The following WNT10A variants were observed in gnomAD, a reference collection of about 807,000 sequenced individuals.
The protein encoded by WNT10A is Wnt family member 10A.
A neutral mutation model predicts 36.1 loss-of-function variants in WNT10A; 37 were observed. That is an observed-to-expected ratio of 1.02 (90% CI 0.79 to 1.35). The LOEUF is 1.35. WNT10A is among the 40% of genes most tolerant of loss of function. WNT10A has a pLI of 0.00. For synonymous variants in WNT10A, 255 were observed against 254.1 expected (o/e 1.00, Z -0.03); for missense variants, 613 against 601.4 (o/e 1.02, Z -0.20).
intron 2 of WNT10A, 40 bp from the exon 3 acceptor site, chr2:218,889,944 G>T: frequency 6.2e-7 from 1 of 1,611,012 alleles, no homozygotes; most frequent in Middle Eastern, 2.2e-4. Flanking sequence ...GGGTGTCAAG[G>T]CCCCTCCAGA....
intron 3 of WNT10A, 142 bp downstream of exon 3, chr2:218,890,505 C>T: frequency 8.1e-7 from 1 of 1,233,840 alleles, no homozygotes; most frequent in South Asian, 1.3e-5. Context: ...TCTAATTCAA[C>T]AAACATGCAC....
chr2:218,886,208 C>T (rs768627324), intron 2 of WNT10A, among the ~76,000 whole-genome samples: 5 of 152,058 alleles, frequency 3.3e-5, no homozygotes, highest in Admixed American at 6.5e-5. Context: ...GATATGCATA[C>T]GTGCACGCAC....
chr2:218,875,928 G>C (rs1384968220), upstream of WNT10A, among the ~76,000 whole-genome samples: 1 of 152,206 alleles, frequency 6.6e-6, no homozygotes, highest in Non-Finnish European at 1.5e-5. Flanking sequence ...TTTTATACCA[G>C]GGAAGTCCAG....
In WNT10A at chr2:218,882,190, G is replaced by C; in HGVS notation, c.143G>C (p.Arg48Pro). The change falls in exon 2 of 4, where the codon CGC becomes CCC. Residue 48 changes from arginine (R) to proline (P), a missense_variant. Arg to Pro is a moderately radical substitution (Grantham distance 103). Transcript: ENST00000258411. Reference protein sequence around the residue: ...RSAPNDILDLRLPPEPVLNAN... With the variant: ...RSAPNDILDLPLPPEPVLNAN... ...GCACCCAATGACATTCTGGACCTCC[G>C]CCTCCCCCCGGAGCCCGTGCTCAAT... 1 of 1,614,036 alleles carries C rather than the reference G, an allele frequency of 6.2e-7. No individual in the cohort carries two copies. Among genetic ancestry groups the C allele is most frequent in the Non-Finnish European group, 8.5e-7 (1 of 1,179,986 alleles).
chr2:218,879,707 T>C (rs1415423009), upstream of WNT10A, among the ~76,000 whole-genome samples: 1 of 152,078 alleles, frequency 6.6e-6, no homozygotes, highest in African/African-American at 2.4e-5. Context: ...CAACACTCAG[T>C]GTTGGGGAGG....
chr2:218,893,196 C>T lies in WNT10A; in HGVS notation c.1179C>T (p.His393=). The T allele has an allele frequency of 6.3e-7, 1 of 1,578,280 alleles. No homozygotes were observed. Among genetic ancestry groups the T allele is most frequent in the Non-Finnish European group, 8.6e-7 (1 of 1,168,788 alleles). Residue 393 remains histidine (H), a synonymous_variant, in exon 4 of 4, where the codon CAC becomes CAT. Transcript: ENST00000258411. This position sits in a 1 kb window ranked among gnomAD's most constrained non-coding sequence, Gnocchi z 6.3. ...GCCAGACGCGCAGCGAGCGCTGCCA[C>T]TGCCGCTTCCACTGGTGCTGTTTCG... ...ILRQTRSERC[H]CRFHWCCFVV...
chr2:218,879,437 G>A (rs1944484259), upstream of WNT10A, among the ~76,000 whole-genome samples: 1 of 152,246 alleles, frequency 6.6e-6, no homozygotes, highest in Admixed American at 6.5e-5. Context: ...CCACTATCAG[G>A]GCCCAGGCTA....
At position 218,882,267 on chromosome 2, in the gene WNT10A, G is replaced by A. The variant is rs1944527055; in HGVS notation, c.220G>A (p.Val74Met). 1.9e-6 allele frequency: 3 copies of A among 1,614,070 alleles called. No homozygotes were observed. The highest frequency in any genetic ancestry group is 1.7e-6 in the Non-Finnish European group (2 of 1,180,040). ...AGGCCTGAGCCGGCGGCAGATGGAGGTGTGTGTGCGTCACCCTGATGTGGC... is the reference window on the plus strand; with the variant it reads ...AGGCCTGAGCCGGCGGCAGATGGAGATGTGTGTGCGTCACCCTGATGTGGC... The part of the protein sequence containing the change: ...LPGLSRRQME[V>M]CVRHPDVAAS... Residue 74 changes from valine to methionine, a missense_variant, in exon 2 of 4, where the codon GTG (valine) becomes ATG (methionine). Coordinates refer to ENST00000258411, the MANE Select transcript of WNT10A (RefSeq NM_025216.3).
chr2:218,879,462 C>T (rs910259505), upstream of WNT10A, among the ~76,000 whole-genome samples: 8 of 152,388 alleles, frequency 5.2e-5, no homozygotes, highest in African/African-American at 1.7e-4. Context: ...CAGAAACAGA[C>T]GGCAGAGCTG....
chr2:218,882,612 G>A (rs2106011844), intron 2 of WNT10A, among the ~76,000 whole-genome samples, 189 bp downstream of exon 2: 1 of 152,308 alleles, frequency 6.6e-6, no homozygotes, highest in South Asian at 2.1e-4. Context: ...TTGGGCAAAT[G>A]TGTCTCCAGA....
intron 2 of WNT10A, 91 bp downstream of exon 2, chr2:218,882,514 G>A (rs1235799228): frequency 1.3e-6 from 2 of 1,527,594 alleles, no homozygotes; most frequent in African/African-American, 2.7e-5. Flanking sequence ...ACTGCCTCAA[G>A]CTGGCATCCT....
intron 3 of WNT10A, among the ~76,000 whole-genome samples, chr2:218,891,741 C>T (rs140321331): frequency 2.3e-4 from 35 of 152,318 alleles, no homozygotes; most frequent in Admixed American, 2.2e-3. Flanking sequence ...GCACAGGCTG[C>T]GCATGCACGC....
At chr2:218,877,157 A>G (rs574527709), upstream of WNT10A, among the ~76,000 whole-genome samples, 1 of 152,378 alleles carries the variant, frequency 6.6e-6, no homozygotes, top group Admixed American at 6.5e-5. This position sits in a 1 kb window ranked among gnomAD's most constrained non-coding sequence, Gnocchi z 4.1. Context: ...AGGAAGTTGT[A>G]TGGTACAATG....
rs1944681800 is a variant in WNT10A at position 218,893,437 on chromosome 2, A to G, written c.*166A>G. The G allele has an allele frequency of 1.0e-6, 1 of 996,494 alleles. No homozygotes were observed. The allele number at this position is 996,494 out of a possible 1,614,324, so 61.7% of individuals were successfully genotyped here. On this transcript the variant is annotated 3_prime_UTR_variant, in exon 4 of 4. Coordinates refer to ENST00000258411, the MANE Select transcript of WNT10A (RefSeq NM_025216.3). The surrounding 1 kb of genome is among the most constrained non-coding windows in gnomAD (Gnocchi z 6.3). ...GCTCTGAGGTCTGTGATCGCCGGAC[A>G]GTCCAGGCCTGTCTGAACCCCACCA...
At chr2:218,885,634 G>A (rs986467025) in intron 2 of WNT10A, among the ~76,000 whole-genome samples, 7 of 152,240 alleles carry the variant, frequency 4.6e-5, no homozygotes, top group African/African-American at 1.7e-4. Context: ...GAGAGGGCAT[G>A]AGGCCCTGCA....
chr2:218,884,120 C>T (rs947684868), intron 2 of WNT10A: 1 of 152,448 alleles, frequency 6.6e-6, no homozygotes, highest in Non-Finnish European at 1.5e-5. Flanking sequence ...CTCTCCTCGG[C>T]CTTGGTGTCC....
intron 1 of WNT10A, 50 bp from the exon 2 acceptor site, chr2:218,882,111 T>C (rs1380210678): frequency 1.3e-6 from 2 of 1,587,484 alleles, no homozygotes; most frequent in Non-Finnish European, 1.7e-6. Flanking sequence ...TAGATGGGGC[T>C]CTCCTGGTCC....
intron 2 of WNT10A, among the ~76,000 whole-genome samples, chr2:218,887,738 C>A (rs1202227257): frequency 6.6e-6 from 1 of 152,214 alleles, no homozygotes; most frequent in Non-Finnish European, 1.5e-5. Context: ...CCAAAAAATG[C>A]AGCAGGAGTG....
rs1246914826 is a variant in WNT10A, at chr2:218,880,982, A to G, written c.-14A>G. 1 of 1,561,500 alleles carries G rather than the reference A, an allele frequency of 6.4e-7. No individual in the cohort carries two copies. The highest frequency in any genetic ancestry group is 1.4e-5 in the African/African-American group (1 of 73,596). On this transcript the variant is annotated 5_prime_UTR_variant, in exon 1 of 4. Coordinates refer to ENST00000258411, the MANE Select transcript of WNT10A (RefSeq NM_025216.3). The surrounding 1 kb of genome is among the most constrained non-coding windows in gnomAD (Gnocchi z 7.7). ...GTGAGCCCCCCACTCCCAGCCCGTC[A>G]GGGCCTGCGCGCCATGGGCAGCGCC...
Sources: allele counts gnomAD v4.1 joint callset (sites outside exome capture counted in the v4.1 genomes callset), GRCh38; gene constraint gnomAD v4.1.1; non-coding constraint Gnocchi (gnomAD v3.1); transcripts MANE v1.5; gene names NCBI Gene and HGNC (gene_info 2026-07-23, HGNC 2026-07-21).